TUSC3: variants seen among roughly 807,000 people sequenced by gnomAD.
TUSC3 encodes tumor suppressor candidate 3.
In TUSC3, 45 loss-of-function variants were observed where a neutral mutation model predicts 44.8. The observed-to-expected ratio is 1.00, with a 90% confidence interval of 0.79 to 1.29. The LOEUF is 1.29. Among genes scored for constraint, TUSC3 ranks in the 50% most tolerant of loss-of-function variants. TUSC3 has a pLI of 0.00. For missense variants in TUSC3, 519 were observed against 437.9 expected, an observed-to-expected ratio of 1.19 and a Z score of -1.65; for synonymous variants, 212 against 152.9, an observed-to-expected ratio of 1.39 and a Z score of -2.85.
chr8:15,819,559 A>T, the TUSC3 span, among the ~76,000 whole-genome samples: 67 of 152,062 alleles, frequency 4.4e-4, no homozygotes, highest in Middle Eastern at 3.4e-3. Context: ...CAATCTGGTG[A>T]CTCCATCAAC....
At chr8:15,802,019 T>A in the TUSC3 span, among the ~76,000 whole-genome samples, 688 of 152,278 alleles carry the variant, frequency 4.5e-3, 28 homozygotes, top group East Asian at 0.11. Context: ...TCGAGAAGAA[T>A]CTTGGCCAAT....
At chr8:15,530,291 A>T (rs1479478563) in intron 2 of TUSC3, among the ~76,000 whole-genome samples, 1 of 152,062 alleles carries the variant, frequency 6.6e-6, no homozygotes, top group Non-Finnish European at 1.5e-5. Context: ...TTTGCCTATC[A>T]TTTCTTTCTT....
intron 7 of TUSC3, among the ~76,000 whole-genome samples, chr8:15,731,356 G>A (rs1206289916): frequency 6.6e-6 from 1 of 152,076 alleles, no homozygotes; most frequent in Non-Finnish European, 1.5e-5. Flanking sequence ...TGTTTTGGGG[G>A]AACATTGATT....
chr8:15,581,054 T>G (rs1447566832), intron 1 of TUSC3, among the ~76,000 whole-genome samples: 1 of 122,802 alleles, frequency 8.1e-6, no homozygotes, highest in Non-Finnish European at 1.6e-5. Flanking sequence ...CCTTCTCGCT[T>G]CATTTCATTC....
intron 1 of TUSC3, among the ~76,000 whole-genome samples, chr8:15,423,137 C>T: frequency 6.6e-6 from 1 of 151,930 alleles, no homozygotes; most frequent in Middle Eastern, 3.2e-3. Context: ...AATGTTGGAC[C>T]TTTCCATTTT....
intron 3 of TUSC3, among the ~76,000 whole-genome samples, chr8:15,658,447 G>A (rs980257954): frequency 5.9e-5 from 9 of 151,960 alleles, no homozygotes; most frequent in Non-Finnish European, 1.3e-4. Context: ...AGCTTTTACT[G>A]TTGTATCGTT....
At chr8:15,485,006 A>G (rs1272942268) in intron 2 of TUSC3, among the ~76,000 whole-genome samples, 1 of 152,086 alleles carries the variant, frequency 6.6e-6, no homozygotes, top group South Asian at 2.1e-4. Context: ...CATCTTTTCT[A>G]TGTATCAGTG....
intron 1 of TUSC3, among the ~76,000 whole-genome samples, chr8:15,432,004 C>T (rs62500496): frequency 0.076 from 11,538 of 151,442 alleles, 451 homozygotes; most frequent in East Asian, 0.15. Flanking sequence ...TTTTAATGTT[C>T]AATGGCATTT....
At chr8:15,681,464 G>C (rs1289117288) in intron 6 of TUSC3, among the ~76,000 whole-genome samples, 1 of 151,514 alleles carries the variant, frequency 6.6e-6, no homozygotes, top group Admixed American at 6.6e-5. Flanking sequence ...GTGCAACAAG[G>C]TATTAATATA....
chr8:15,541,368 C>T (rs1220685247), intron 1 of TUSC3, among the ~76,000 whole-genome samples: 1 of 152,144 alleles, frequency 6.6e-6, no homozygotes, highest in Non-Finnish European at 1.5e-5. Context: ...ATAGTTATTT[C>T]GGGAATGTGA....
intron 1 of TUSC3, among the ~76,000 whole-genome samples, chr8:15,468,174 C>T (rs571841067): frequency 3.9e-5 from 6 of 152,160 alleles, no homozygotes; most frequent in South Asian, 2.1e-4. Flanking sequence ...CTGAGAGAAA[C>T]GGAATTTCGT....
chr8:15,461,832 T>C (rs1800349594), intron 1 of TUSC3, among the ~76,000 whole-genome samples: 2 of 151,870 alleles, frequency 1.3e-5, no homozygotes, highest in Admixed American at 6.6e-5. Flanking sequence ...GTATATATAA[T>C]CAAATTAAAA....
the TUSC3 span, among the ~76,000 whole-genome samples, chr8:15,803,371 C>T: frequency 4.1e-4 from 62 of 152,238 alleles, 1 homozygote; most frequent in Admixed American, 2.8e-3. Flanking sequence ...TGACAAAAAT[C>T]AGTAACTTCT....
intron 1 of TUSC3, among the ~76,000 whole-genome samples, chr8:15,481,317 A>C (rs949344807): frequency 1.3e-5 from 2 of 151,796 alleles, no homozygotes; most frequent in African/African-American, 4.8e-5. Context: ...GCCGTCATCA[A>C]TGGATTAATG....
intron 6 of TUSC3, among the ~76,000 whole-genome samples, chr8:15,729,520 G>A (rs1359570487): frequency 1.3e-5 from 2 of 152,114 alleles, no homozygotes; most frequent in African/African-American, 4.8e-5. Flanking sequence ...ATACACCATG[G>A]AATAGTACAC....
chr8:15,836,537 C>G, the TUSC3 span, among the ~76,000 whole-genome samples: 1 of 151,692 alleles, frequency 6.6e-6, no homozygotes, highest in South Asian at 2.1e-4. Flanking sequence ...ACATGGTTCT[C>G]TGTCTTACCC....
intron 2 of TUSC3, among the ~76,000 whole-genome samples, chr8:15,625,215 TTTA>T (rs771620326): frequency 1.3e-4 from 20 of 152,198 alleles, no homozygotes; most frequent in South Asian, 4.1e-4. Context: ...GTCATATTAT[TTTA>T]TTATGTGTTG....
intron 6 of TUSC3, among the ~76,000 whole-genome samples, chr8:15,712,688 T>G (rs1809907741): frequency 6.6e-6 from 1 of 152,086 alleles, no homozygotes; most frequent in Non-Finnish European, 1.5e-5. Flanking sequence ...TGCTGCTGCT[T>G]GTAAAATACT....
chr8:15,451,221 C>G (rs1800194200), intron 1 of TUSC3, among the ~76,000 whole-genome samples: 2 of 152,080 alleles, frequency 1.3e-5, no homozygotes, highest in African/African-American at 4.8e-5. Context: ...TTACTTATAT[C>G]TATATTTGGT....
Sources: allele counts gnomAD v4.1 joint callset (sites outside exome capture counted in the v4.1 genomes callset), GRCh38; gene constraint gnomAD v4.1.1; transcripts MANE v1.5; gene names NCBI Gene and HGNC (gene_info 2026-07-23, HGNC 2026-07-21).